Variants in CCDC136 observed in about 807,000 individuals in gnomAD.
CCDC136 encodes the protein coiled-coil domain containing 136, also known as coiled-coil domain-containing protein 136.
CCDC136 carries 100 observed loss-of-function variants against 141.2 expected under a neutral mutation model. That is an observed-to-expected ratio of 0.71 (90% CI 0.60 to 0.84). CCDC136 has a LOEUF of 0.84. CCDC136 is among the 40% of genes least tolerant of loss of function. The pLI is 0.00. For missense variants in CCDC136, 1,206 were observed against 1,379.4 expected (o/e 0.87, Z 1.99); for synonymous variants, 474 against 531.9 (o/e 0.89, Z 1.50).
chr7:128,810,402 G>A (rs749161674), intron 12 of CCDC136, 36 bp downstream of exon 12: 1 of 1,449,510 alleles, frequency 6.9e-7, no homozygotes, highest in South Asian at 1.2e-5. Flanking sequence ...CAGTTCTCCT[G>A]AGCACAACAG....
intron 14 of CCDC136, among the ~76,000 whole-genome samples, chr7:128,813,981 C>T (rs1194968227): frequency 5.3e-5 from 8 of 151,704 alleles, no homozygotes; most frequent in African/African-American, 7.3e-5. Flanking sequence ...AAACTCTTGT[C>T]TCAAAAAAAA....
intron 17 of CCDC136, among the ~76,000 whole-genome samples, chr7:128,819,903 T>C (rs1049239560): frequency 5.3e-5 from 8 of 152,212 alleles, no homozygotes; most frequent in Admixed American, 6.5e-5. Flanking sequence ...ATTATTTATT[T>C]ATTTCATGTA....
Position 128,814,679 on chromosome 7 carries a change from A to G in CCDC136, c.2805A>G (p.Gln935=), listed in dbSNP as rs1319539556. The G allele has an allele frequency of 8.7e-6, 14 of 1,601,604 alleles. No homozygotes were observed. Among genetic ancestry groups the G allele is most frequent in the Admixed American group, 3.4e-5 (2 of 58,170 alleles). ...LQTKLRELQL[Q]YQASMDEQGR... ...CCAAGCTGCGGGAGCTGCAGCTGCA[A>G]TACCAGGCTAGCATGGATGAGCAGG... The change falls in exon 15 of 18, where the codon CAA becomes CAG. Residue 935 remains glutamine (Q), a synonymous_variant. Coordinates refer to ENST00000297788, the MANE Select transcript of CCDC136 (RefSeq NM_022742.5).
chr7:128,812,301 G>C lies in CCDC136; in HGVS notation c.2530G>C (p.Glu844Gln). The C allele has an allele frequency of 6.2e-7, 1 of 1,611,526 alleles. No individual in the cohort carries two copies. Among genetic ancestry groups the C allele is most frequent in the Non-Finnish European group, 8.5e-7 (1 of 1,179,024 alleles). ...CACTGACGAGGAACCTGCTGAGCCT[G>C]AAGACATGGAGGTAATGGTTGCCAG... ...SCTDEEPAEPEDMERFEEMVV... is the reference protein window; with the variant it reads ...SCTDEEPAEPQDMERFEEMVV... Residue 844 changes from glutamate (E) to glutamine (Q), a missense_variant, in exon 13 of 18, where the codon GAA becomes CAA. By Grantham distance (29) the Glu-to-Gln change is conservative. Transcript: ENST00000297788.
chr7:128,811,358 A>T (rs1182737348), intron 12 of CCDC136: 2 of 457,300 alleles, frequency 4.4e-6, no homozygotes, highest in Non-Finnish European at 8.8e-6. Flanking sequence ...TAATAGTAAG[A>T]CTTTGATTCC....
At chr7:128,798,072 C>T (rs1461658983) in intron 3 of CCDC136, among the ~76,000 whole-genome samples, 2 of 151,114 alleles carry the variant, frequency 1.3e-5, no homozygotes, top group Admixed American at 6.6e-5. Flanking sequence ...CGCCCGCCAC[C>T]ACACCCGGCT....
rs903319383 is a variant in CCDC136, at chr7:128,817,269, G to A, written c.3364-489G>A. ...CCTTCTCCATTGTCAGTTTGTTTCGGTGCATGTTGTCTTACAATGATATCA... is the reference window on the plus strand; with the variant it reads ...CCTTCTCCATTGTCAGTTTGTTTCGATGCATGTTGTCTTACAATGATATCA... On this transcript the variant is annotated intron_variant, in intron 16 of 17. Transcript: ENST00000297788. The surrounding 1 kb of genome is among the most constrained non-coding windows in gnomAD (Gnocchi z 4.6). Among the ~76,000 whole-genome samples the A allele has an allele frequency of 2.0e-5, 3 of 152,132 alleles. No homozygotes were observed. The highest frequency in any genetic ancestry group is 6.5e-5 in the Admixed American group (1 of 15,272).
Position 128,812,376 on chromosome 7 carries a change from A to G in CCDC136, c.2541+64A>G, listed in dbSNP as rs749309258. 1,449 of 1,508,776 alleles carry G rather than the reference A, an allele frequency of 9.6e-4. 26 individuals are homozygous for G. The highest frequency in any genetic ancestry group is 1.9e-4 in the Non-Finnish European group (217 of 1,122,780). 93.5% of individuals were successfully genotyped at this position (1,508,776 alleles called of 1,614,324 possible). A position where few individuals can be genotyped will look rare whatever the true frequency, so the allele number is the denominator to read the frequency against. Reference sequence around the variant, plus strand: ...GGACTCTTGTCTTTTTAAGAGATACATCGCCAGGGGAAGGGGCAAGAAGTG... The same window carrying G: ...GGACTCTTGTCTTTTTAAGAGATACGTCGCCAGGGGAAGGGGCAAGAAGTG... On this transcript the variant is annotated intron_variant, in intron 13 of 17. Coordinates refer to ENST00000297788, the MANE Select transcript of CCDC136 (RefSeq NM_022742.5).
intron 3 of CCDC136, among the ~76,000 whole-genome samples, chr7:128,795,541 T>C (rs902843): frequency 9.4e-4 from 143 of 151,892 alleles, no homozygotes; most frequent in African/African-American, 3.2e-3. Flanking sequence ...GAGGTGTAAG[T>C]GGGGAGGAGA....
Position 128,806,341 on chromosome 7 carries a change from GCT to G in CCDC136, c.1196_1197del (p.Leu399ProfsTer16). On this transcript the variant is annotated frameshift_variant, in exon 8 of 18. Coordinates refer to ENST00000297788, the MANE Select transcript of CCDC136 (RefSeq NM_022742.5). LOFTEE classifies it high-confidence loss of function. The part of the protein sequence containing the change: ...LKMQLQLQTE[L>X]RQLKVMKSTL... Reference sequence around the variant, plus strand: ...AGATGCAGCTGCAACTTCAGACTGAGCTCCGGCAGCTCAAAGTCATGAAATCC... The same window carrying G: ...AGATGCAGCTGCAACTTCAGACTGAGCCGGCAGCTCAAAGTCATGAAATCC... 6.2e-7 allele frequency: 1 copy of G among 1,602,044 alleles called. No individual in the cohort carries two copies. The highest frequency in any genetic ancestry group is 8.5e-7 in the Non-Finnish European group (1 of 1,174,350).
Position 128,821,188 on chromosome 7 carries a change from A to G in CCDC136, c.*6-611A>G, listed in dbSNP as rs1807391562. 6.6e-6 allele frequency among the ~76,000 whole-genome samples: 1 copy of G among 152,216 alleles called. No homozygotes were observed. The highest frequency in any genetic ancestry group is 2.4e-5 in the African/African-American group (1 of 41,462). On this transcript the variant is annotated intron_variant, in intron 17 of 17. Transcript: ENST00000297788. This position sits in a 1 kb window ranked among gnomAD's most constrained non-coding sequence, Gnocchi z 5.1. ...AGCCTCAGCATACTCTAGCACATGCACCAGGAAGTCAGTCAACATACCTGG... is the reference window on the plus strand; with the variant it reads ...AGCCTCAGCATACTCTAGCACATGCGCCAGGAAGTCAGTCAACATACCTGG...
At chr7:128,802,640 G>C (rs1169419324) in intron 4 of CCDC136, among the ~76,000 whole-genome samples, 3 of 152,208 alleles carry the variant, frequency 2.0e-5, no homozygotes, top group African/African-American at 4.8e-5. Flanking sequence ...GGAAAATGTA[G>C]AGAAATCCAA....
Position 128,812,273 on chromosome 7 carries a change from C to G in CCDC136, c.2502C>G (p.Ser834Arg). 6.2e-7 allele frequency: 1 copy of G among 1,613,294 alleles called. No individual in the cohort carries two copies. The highest frequency in any genetic ancestry group is 1.1e-5 in the South Asian group (1 of 90,956). Reference protein sequence around the residue: ...SDTCQKSFVSSCTDEEPAEPE... With the variant: ...SDTCQKSFVSRCTDEEPAEPE... ...CCTGCCAGAAGAGTTTTGTCAGCAG[C>G]TGCACTGACGAGGAACCTGCTGAGC... The change falls in exon 13 of 18, where the codon AGC becomes AGG. Residue 834 changes from serine to arginine, a missense_variant. Transcript: ENST00000297788.
At position 128,817,335 on chromosome 7, in the gene CCDC136, C is replaced by T. The variant is rs571071108; in HGVS notation, c.3364-423C>T. 5.9e-5 allele frequency among the ~76,000 whole-genome samples: 9 copies of T among 152,242 alleles called. No individual in the cohort carries two copies. Among genetic ancestry groups the T allele is most frequent in the African/African-American group, 2.2e-4 (9 of 41,534 alleles). On this transcript the variant is annotated intron_variant, in intron 16 of 17. Transcript: ENST00000297788. This position sits in a 1 kb window ranked among gnomAD's most constrained non-coding sequence, Gnocchi z 4.6. ...ATCTAAGGGACCAGAGCCCAAAATACTAAGAAACTTAATGGAAAGCAGGCT... is the reference window on the plus strand; with the variant it reads ...ATCTAAGGGACCAGAGCCCAAAATATTAAGAAACTTAATGGAAAGCAGGCT...
In CCDC136 at chr7:128,815,601, TC is replaced by T. The variant is rs761195395; in HGVS notation, c.3046-10del. On this transcript the variant is annotated splice_polypyrimidine_tract_variant and intron_variant, in intron 15 of 17. Transcript: ENST00000297788. ...TAACGCAGCCGCCATCCTGCCCTAC[TC>T]CCACCCCACAGAGTCTGGAGGTAGT... 2.3e-5 allele frequency: 36 copies of T among 1,548,284 alleles called. No individual in the cohort carries two copies. Among genetic ancestry groups the T allele is most frequent in the East Asian group, 1.2e-4 (5 of 40,964 alleles).
At position 128,811,806 on chromosome 7, in the gene CCDC136, A is replaced by C; in HGVS notation, c.2035A>C (p.Lys679Gln). The stretch of plus-strand genomic sequence containing the variant: ...TCCCCACCCCTGCCCCCAGCAATCC[A>C]AGCTGCTCATGGAGCAGATGCAGGC... ...SSKCNRNKQS[K>Q]LLMEQMQALQ... Residue 679 changes from lysine (K) to glutamine (Q), a missense_variant, in exon 13 of 18, where the codon AAG becomes CAG. Coordinates refer to ENST00000297788, the MANE Select transcript of CCDC136 (RefSeq NM_022742.5). 1 of 1,573,536 alleles carries C rather than the reference A, an allele frequency of 6.4e-7. No homozygotes were observed. The highest frequency in any genetic ancestry group is 1.4e-5 in the African/African-American group (1 of 73,060).
At chr7:128,801,114 A>G (rs1359429541) in intron 3 of CCDC136, 72 bp from the exon 4 acceptor site, 17 of 1,131,244 alleles carry the variant, frequency 1.5e-5, no homozygotes, top group Non-Finnish European at 2.2e-5. Flanking sequence ...TCTCCCTTTA[A>G]TTTTGTGCCT....
chr7:128,814,554 A>G lies in CCDC136; in HGVS notation c.2764-84A>G, dbSNP rs1375328329. ...GAGATTTCTGAGACAGTGACCCCCA[A>G]GCAGGGCTGAGTTTGGTTGCGTGGT... is the stretch of plus-strand genomic sequence containing the variant. On this transcript the variant is annotated intron_variant, in intron 14 of 17. Coordinates refer to ENST00000297788, the MANE Select transcript of CCDC136 (RefSeq NM_022742.5). 22 of 1,088,402 alleles carry G rather than the reference A, an allele frequency of 2.0e-5. No homozygotes were observed. In the East Asian group the frequency reaches 4.8e-4, roughly 24 times the overall value. The allele number at this position is 1,088,402 out of a possible 1,614,324, so 67.4% of individuals were successfully genotyped here. A position where few individuals can be genotyped will look rare whatever the true frequency, so the allele number is the denominator to read the frequency against.
At chr7:128,813,024 AG>A in intron 14 of CCDC136, 95 bp downstream of exon 14, 1 of 821,252 alleles carries the variant, frequency 1.2e-6, no homozygotes, top group South Asian at 1.5e-5. Flanking sequence ...GGGACAAAGC[AG>A]GGAGAATATG....
Sources: allele counts gnomAD v4.1 joint callset (sites outside exome capture counted in the v4.1 genomes callset), GRCh38; gene constraint gnomAD v4.1.1; non-coding constraint Gnocchi (gnomAD v3.1); transcripts MANE v1.5; gene names NCBI Gene and HGNC (gene_info 2026-07-23, HGNC 2026-07-21).